Variants in AADACL4 observed in about 807,000 individuals in gnomAD.
The protein encoded by AADACL4 is arylacetamide deacetylase-like 4.
AADACL4 carries 9 observed loss-of-function variants against 14.1 expected under a neutral mutation model. That is an observed-to-expected ratio of 0.64 (90% CI 0.39 to 1.12). AADACL4 has a LOEUF of 1.12. Among genes scored for constraint, AADACL4 ranks in the 50% most tolerant of loss-of-function variants. The pLI is 0.01. For missense variants in AADACL4, 531 were observed against 516.1 expected (o/e 1.03, Z -0.28); for synonymous variants, 188 against 201.6 (o/e 0.93, Z 0.57).
At chr1:12,655,279 G>A (rs1047356284) in intron 2 of AADACL4, among the ~76,000 whole-genome samples, 11 of 152,248 alleles carry the variant, frequency 7.2e-5, no homozygotes, top group Non-Finnish European at 1.5e-5. Flanking sequence ...GGCTGTTTAG[G>A]AGAGAGTAAC....
intron 1 of AADACL4, among the ~76,000 whole-genome samples, chr1:12,648,877 C>T (rs566393137): frequency 3.7e-4 from 57 of 152,298 alleles, no homozygotes; most frequent in African/African-American, 1.2e-3. Flanking sequence ...GGCCATCACA[C>T]GGTACAGCGT....
chr1:12,662,176 T>A (rs1269909721), intron 3 of AADACL4, among the ~76,000 whole-genome samples: 1 of 152,136 alleles, frequency 6.6e-6, no homozygotes, highest in Non-Finnish European at 1.5e-5. Context: ...CTTAGTAGTA[T>A]AAAACTAAGT....
At chr1:12,648,705 T>A (rs1647127712) in intron 1 of AADACL4, among the ~76,000 whole-genome samples, 1 of 152,060 alleles carries the variant, frequency 6.6e-6, no homozygotes, top group South Asian at 2.1e-4. Context: ...TCCTGGCCAC[T>A]GGACCTCAGA....
intron 3 of AADACL4, among the ~76,000 whole-genome samples, chr1:12,662,602 G>A (rs1647246016): frequency 6.6e-6 from 1 of 152,160 alleles, no homozygotes; most frequent in South Asian, 2.1e-4. Context: ...TAGGATTCTG[G>A]TTCTTGGCTC....
At position 12,644,302 on chromosome 1, in the gene AADACL4, T is replaced by G. The variant is rs1647096078; in HGVS notation, c.-245T>G. 6.6e-6 allele frequency among the ~76,000 whole-genome samples: 1 copy of G among 152,156 alleles called. No homozygotes were observed. The highest frequency in any genetic ancestry group is 1.5e-5 in the Non-Finnish European group (1 of 68,034). ...CTTTGGGAAGCTCACCTTCCAAGAC[T>G]CCCCATGATGAGCAGTATTGATTTT... is the stretch of plus-strand genomic sequence containing the variant. On this transcript the variant is annotated 5_prime_UTR_variant, in exon 1 of 4. Coordinates refer to ENST00000376221, the MANE Select transcript of AADACL4 (RefSeq NM_001013630.2).
chr1:12,649,764 T>C (rs537381266), intron 1 of AADACL4, among the ~76,000 whole-genome samples: 14 of 152,216 alleles, frequency 9.2e-5, no homozygotes, highest in African/African-American at 3.4e-4. Flanking sequence ...ATACACAACA[T>C]GCTTCTCATT....
intron 1 of AADACL4, among the ~76,000 whole-genome samples, chr1:12,645,320 C>T (rs558878942): frequency 2.2e-5 from 3 of 135,522 alleles, no homozygotes; most frequent in East Asian, 2.5e-4. Flanking sequence ...CCTTTTGTTC[C>T]GTTCTTCCTT....
intron 2 of AADACL4, among the ~76,000 whole-genome samples, chr1:12,654,848 C>G (rs1363159029): frequency 1.3e-5 from 2 of 151,250 alleles, no homozygotes; most frequent in East Asian, 3.8e-4. Flanking sequence ...GCAAGACGGC[C>G]CTCTCCGGGG....
At chr1:12,658,947 C>A (rs1016946837) in intron 2 of AADACL4, among the ~76,000 whole-genome samples, 1 of 152,036 alleles carries the variant, frequency 6.6e-6, no homozygotes, top group Non-Finnish European at 1.5e-5. Flanking sequence ...ATCCTCAGTG[C>A]CTGTTGTTTT....
chr1:12,661,668 G>A lies in AADACL4; in HGVS notation c.386-123G>A, dbSNP rs889552000. 11 of 1,007,926 alleles carry A rather than the reference G, an allele frequency of 1.1e-5. No individual in the cohort carries two copies. In the African/African-American group the frequency reaches 1.7e-4, roughly 16 times the overall value. The allele number at this position is 1,007,926 out of a possible 1,614,324, so 62.4% of individuals were successfully genotyped here. A position where few individuals can be genotyped will look rare whatever the true frequency, so the allele number is the denominator to read the frequency against. On this transcript the variant is annotated intron_variant, in intron 2 of 3. Transcript: ENST00000376221. ...GCTCTGTCCAGGCAGAGGAGGCAAG[G>A]ATAGAAACAGAGAGGATGCCACACC...
chr1:12,663,717 T>C (rs144478368), intron 3 of AADACL4, among the ~76,000 whole-genome samples: 2 of 152,312 alleles, frequency 1.3e-5, no homozygotes, highest in Non-Finnish European at 2.9e-5. Flanking sequence ...TGGAGTCATA[T>C]ATTCAACATT....
rs1647195860 is a variant in AADACL4, at chr1:12,658,124, C to CT, written c.386-3665dup. 7.9e-4 allele frequency among the ~76,000 whole-genome samples: 95 copies of CT among 120,224 alleles called. 1 individual carries two copies. The highest frequency in any genetic ancestry group is 3.6e-3 in the African/African-American group (86 of 24,180). The allele number at this position is 120,224 out of a possible 152,430, so 78.9% of individuals were successfully genotyped here. A position where few individuals can be genotyped will look rare whatever the true frequency, so the allele number is the denominator to read the frequency against. ...CTCTCTTTCTTTCCTTCCTTCCTTC[C>CT]TTCCTTCCTTCCTTCCTTTCTTTCT... On this transcript the variant is annotated intron_variant, in intron 2 of 3. Transcript: ENST00000376221.
At chr1:12,660,722 C>T (rs1253053765) in intron 2 of AADACL4, among the ~76,000 whole-genome samples, 1 of 152,118 alleles carries the variant, frequency 6.6e-6, no homozygotes, top group African/African-American at 2.4e-5. Context: ...CGGCTCACTG[C>T]AACCTCCGCC....
chr1:12,658,674 A>C (rs1570431994), intron 2 of AADACL4, among the ~76,000 whole-genome samples: 5 of 143,010 alleles, frequency 3.5e-5, no homozygotes, highest in African/African-American at 1.1e-4. Flanking sequence ...CCCTGTATCC[A>C]CCCCCGGCGC....
chr1:12,666,445 T>C lies in AADACL4; in HGVS notation c.934T>C (p.Tyr312His), dbSNP rs1173009626. Reference sequence around the variant, plus strand: ...TCCCGGCCCTTTTAATGAAGCTGCCTATCTAGAAGCCAAACATATGCTGGA... The same window carrying C: ...TCCCGGCCCTTTTAATGAAGCTGCCCATCTAGAAGCCAAACATATGCTGGA... ...WSPGPFNEAA[Y>H]LEAKHMLDVE... The change falls in exon 4 of 4, where the codon TAT becomes CAT. Residue 312 changes from tyrosine to histidine, a missense_variant. Coordinates refer to ENST00000376221, the MANE Select transcript of AADACL4 (RefSeq NM_001013630.2). The C allele has an allele frequency of 6.2e-7, 1 of 1,614,206 alleles. No individual in the cohort carries two copies. The highest frequency in any genetic ancestry group is 1.1e-5 in the South Asian group (1 of 91,082).
rs577438077 is a variant in AADACL4, at chr1:12,666,054, G to T, written c.543G>T (p.Gly181=). Residue 181 remains glycine (G), a synonymous_variant, in exon 4 of 4, where the codon GGG becomes GGT. Transcript: ENST00000376221. ...TCCTGAAGGCCCTGGAAACCTATGG[G>T]GTGGACCCCTCCAGGGTTGTGGTCT... ...IHFLKALETY[G]VDPSRVVVCG... is the part of the protein sequence containing the mutation. 1 of 1,614,216 alleles carries T rather than the reference G, an allele frequency of 6.2e-7. No homozygotes were observed. Among genetic ancestry groups the T allele is most frequent in the African/African-American group, 1.3e-5 (1 of 75,066 alleles).
At chr1:12,658,141 TTTC>T (rs1168089006) in intron 2 of AADACL4, among the ~76,000 whole-genome samples, 8 of 130,640 alleles carry the variant, frequency 6.1e-5, no homozygotes, top group Non-Finnish European at 1.1e-4. Context: ...CCTTCCTTCC[TTTC>T]TTTCTTTCTT....
At chr1:12,658,065 TTC>T (rs1246776916) in intron 2 of AADACL4, among the ~76,000 whole-genome samples, 10 of 137,928 alleles carry the variant, frequency 7.3e-5, no homozygotes, top group African/African-American at 1.3e-4. Context: ...TCCTTTCTTT[TTC>T]TCTTTCTTTC....
intron 2 of AADACL4, among the ~76,000 whole-genome samples, chr1:12,653,776 C>A (rs1647164304): frequency 6.6e-6 from 1 of 152,054 alleles, no homozygotes; most frequent in African/African-American, 2.4e-5. Context: ...TAGGATGTGC[C>A]CCGGATATTT....
Sources: allele counts gnomAD v4.1 joint callset (sites outside exome capture counted in the v4.1 genomes callset), GRCh38; gene constraint gnomAD v4.1.1; transcripts MANE v1.5; gene names NCBI Gene and HGNC (gene_info 2026-07-23, HGNC 2026-07-21).